The following PIK3CA variants were observed in gnomAD, a reference collection of about 807,000 sequenced individuals.
PIK3CA encodes the protein phosphatidylinositol 4,5-bisphosphate 3-kinase catalytic subunit alpha isoform.
A neutral mutation model predicts 138.2 loss-of-function variants in PIK3CA; 27 were observed. That is an observed-to-expected ratio of 0.20 (90% CI 0.14 to 0.27). PIK3CA has a LOEUF of 0.27. PIK3CA is among the 10% of genes least tolerant of loss of function. The pLI is 1.00. For synonymous variants in PIK3CA, 358 were observed against 413.2 expected (o/e 0.87, Z 1.62); for missense variants, 544 against 1,277.4 (o/e 0.43, Z 8.75).
intron 9 of PIK3CA, among the ~76,000 whole-genome samples, chr3:179,211,263 A>T (rs567902155): frequency 6.6e-6 from 1 of 152,254 alleles, no homozygotes; most frequent in Non-Finnish European, 1.5e-5. Context: ...AAGATGCAGT[A>T]TTAAATTGTA....
At chr3:179,205,200 G>A (rs1724528105) in intron 6 of PIK3CA, among the ~76,000 whole-genome samples, 1 of 150,576 alleles carries the variant, frequency 6.6e-6, no homozygotes, top group African/African-American at 2.5e-5. Flanking sequence ...AGTGAGACCT[G>A]ATCTCAAAAT....
rs1468677569 is a variant in PIK3CA, at chr3:179,234,717, T to C, written c.*353T>C. The C allele has an allele frequency of 4.1e-6, 1 of 244,200 alleles. No homozygotes were observed. Among genetic ancestry groups the C allele is most frequent in the Non-Finnish European group, 7.9e-6 (1 of 126,102 alleles). 15.1% of individuals were successfully genotyped at this position (244,200 alleles called of 1,614,324 possible). A position where few individuals can be genotyped will look rare whatever the true frequency, so the allele number is the denominator to read the frequency against. ...GAAATGATGGAGAAGGAAAAAGTGA[T>C]GGTTTTTTTTGTCTTGCAAATGTTC... On this transcript the variant is annotated 3_prime_UTR_variant, in exon 21 of 21. Transcript: ENST00000263967. This position sits in a 1 kb window ranked among gnomAD's most constrained non-coding sequence, Gnocchi z 5.1.
intron 9 of PIK3CA, among the ~76,000 whole-genome samples, chr3:179,212,259 C>G (rs983114875): frequency 6.6e-6 from 1 of 150,862 alleles, no homozygotes; most frequent in Non-Finnish European, 1.5e-5. Context: ...CCACCCGCCT[C>G]GGCCTCCCAA....
At position 179,238,357 on chromosome 3, in the gene PIK3CA, A is replaced by G; in HGVS notation, c.*3993A>G. 4.6e-6 allele frequency: 1 copy of G among 215,142 alleles called. No individual in the cohort carries two copies. The highest frequency in any genetic ancestry group is 6.9e-5 in the East Asian group (1 of 14,582). 13.3% of individuals were successfully genotyped at this position (215,142 alleles called of 1,614,324 possible). A position where few individuals can be genotyped will look rare whatever the true frequency, so the allele number is the denominator to read the frequency against. On this transcript the variant is annotated 3_prime_UTR_variant, in exon 21 of 21. Transcript: ENST00000263967. ...TACATTAAAAATTGTAAATATATCT[A>G]TGTGCCATGGCCTGGGAAGCCTGCT...
At chr3:179,175,382 A>G (rs969855799) in intron 1 of PIK3CA, among the ~76,000 whole-genome samples, 1 of 151,860 alleles carries the variant, frequency 6.6e-6, no homozygotes, top group Admixed American at 6.6e-5. Flanking sequence ...TTTTTTATTT[A>G]TTCTTTTTTC....
rs1162819680 is a variant in PIK3CA at position 179,239,856 on chromosome 3, A to G, written c.*5492A>G. On this transcript the variant is annotated 3_prime_UTR_variant, in exon 21 of 21. Coordinates refer to ENST00000263967, the MANE Select transcript of PIK3CA (RefSeq NM_006218.4). ...GAAAAACGTTTTTAATGTCCTTTTA[A>G]TGATGGCCCAGAAAGCATTTGACAC... 2 of 522,814 alleles carry G rather than the reference A, an allele frequency of 3.8e-6. No individual in the cohort carries two copies. Among genetic ancestry groups the G allele is most frequent in the African/African-American group, 4.0e-5 (2 of 50,440 alleles). The allele number at this position is 522,814 out of a possible 1,614,324, so 32.4% of individuals were successfully genotyped here. A position where few individuals can be genotyped will look rare whatever the true frequency, so the allele number is the denominator to read the frequency against.
intron 9 of PIK3CA, among the ~76,000 whole-genome samples, chr3:179,215,722 T>C (rs1724822246): frequency 6.6e-6 from 1 of 152,166 alleles, no homozygotes; most frequent in Non-Finnish European, 1.5e-5. Context: ...GGTTGGTTTC[T>C]TTCAGGCTTT....
chr3:179,182,643 CCTGGATAA>C (rs1479220832), intron 1 of PIK3CA, among the ~76,000 whole-genome samples: 1 of 152,018 alleles, frequency 6.6e-6, no homozygotes, highest in East Asian at 1.9e-4. Context: ...TGTACTCCAG[CCTGGATAA>C]CTGAGAGAGA....
intron 1 of PIK3CA, among the ~76,000 whole-genome samples, chr3:179,182,521 C>T (rs140817754): frequency 7.2e-5 from 11 of 152,116 alleles, no homozygotes; most frequent in Non-Finnish European, 1.5e-4. Flanking sequence ...AAAAATTTAG[C>T]TGGGCATGGT....
At chr3:179,155,807 T>G (rs1455079016) in intron 1 of PIK3CA, among the ~76,000 whole-genome samples, 1 of 152,192 alleles carries the variant, frequency 6.6e-6, no homozygotes, top group Non-Finnish European at 1.5e-5. Context: ...GTTGCCTATT[T>G]CTATTGATAT....
intron 6 of PIK3CA, among the ~76,000 whole-genome samples, chr3:179,206,849 G>A (rs1055533232): frequency 2.0e-5 from 3 of 151,080 alleles, no homozygotes; most frequent in African/African-American, 7.3e-5. Context: ...GCCCAGGGAG[G>A]TTGAGACTGC....
At chr3:179,193,038 T>C (rs1724175318) in intron 1 of PIK3CA, among the ~76,000 whole-genome samples, 1 of 152,256 alleles carries the variant, frequency 6.6e-6, no homozygotes, top group South Asian at 2.1e-4. Context: ...TTATTTCTGC[T>C]ACTTAACGTT....
At chr3:179,212,224 T>G (rs1275113320) in intron 9 of PIK3CA, among the ~76,000 whole-genome samples, 1 of 151,308 alleles carries the variant, frequency 6.6e-6, no homozygotes, top group Non-Finnish European at 1.5e-5. Context: ...GTCAGGCTGG[T>G]CTTGAACTCC....
Position 179,229,947 on chromosome 3 carries a change from A to G in PIK3CA, c.2667-57A>G, listed in dbSNP as rs1725174569. On this transcript the variant is annotated intron_variant, in intron 18 of 20. Transcript: ENST00000263967. Reference sequence around the variant, plus strand: ...AACTTGCACCCTGTTTTCTTTTCTCAAGTTGGCCTGAATCACTATATTTCC... The same window carrying G: ...AACTTGCACCCTGTTTTCTTTTCTCGAGTTGGCCTGAATCACTATATTTCC... 7 of 1,106,550 alleles carry G rather than the reference A, an allele frequency of 6.3e-6. No individual in the cohort carries two copies. The South Asian group carries it at 9.4e-5, about 15-fold the overall frequency. 68.5% of individuals were successfully genotyped at this position (1,106,550 alleles called of 1,614,324 possible). A position where few individuals can be genotyped will look rare whatever the true frequency, so the allele number is the denominator to read the frequency against.
At chr3:179,173,680 A>G (rs1041425773) in intron 1 of PIK3CA, among the ~76,000 whole-genome samples, 4 of 152,274 alleles carry the variant, frequency 2.6e-5, no homozygotes, top group Admixed American at 2.6e-4. Context: ...TACGTGGTGT[A>G]TTGACAACAA....
intron 1 of PIK3CA, among the ~76,000 whole-genome samples, chr3:179,168,862 G>A (rs1199157314): frequency 6.6e-6 from 1 of 151,862 alleles, no homozygotes; most frequent in Admixed American, 6.5e-5. Context: ...GATTTGAAAT[G>A]ATACCTTTAT....
At chr3:179,178,362 T>C (rs913715685) in intron 1 of PIK3CA, among the ~76,000 whole-genome samples, 1 of 151,040 alleles carries the variant, frequency 6.6e-6, no homozygotes, top group Admixed American at 6.6e-5. Flanking sequence ...TCACAGAAGA[T>C]ATACAAATGG....
intron 14 of PIK3CA, 77 bp from the exon 15 acceptor site, chr3:179,224,004 T>A: frequency 1.3e-6 from 1 of 789,092 alleles, no homozygotes; most frequent in Non-Finnish European, 2.2e-6. Flanking sequence ...GGTTCTCATG[T>A]GAGAAAGAGA....
chr3:179,217,020 A>G (rs568092106), intron 9 of PIK3CA, among the ~76,000 whole-genome samples: 1 of 152,126 alleles, frequency 6.6e-6, no homozygotes, highest in Non-Finnish European at 1.5e-5. Context: ...TCCCAACTTT[A>G]TACCCTGTTC....
Sources: gnomAD v4.1 joint callset for allele counts (sites outside exome capture counted in the v4.1 genomes callset) on GRCh38, gnomAD v4.1.1 for gene constraint, Gnocchi (gnomAD v3.1) non-coding constraint, MANE v1.5 for transcripts, NCBI Gene and HGNC (gene_info 2026-07-23, HGNC 2026-07-21) for gene names.